Variants in COA1 observed in about 807,000 individuals in gnomAD.
COA1 encodes the protein cytochrome c oxidase assembly factor 1 homolog.
Under a neutral mutation model 16.0 loss-of-function variants are expected in COA1, and 13 were observed. That is an observed-to-expected ratio of 0.81 (90% CI 0.53 to 1.29). The LOEUF is 1.29. Ranked by LOEUF, COA1 falls within the 50% of genes most tolerant of loss-of-function variation. The probability of loss-of-function intolerance (pLI) is 0.00; values close to 1 mark genes in which losing one functional copy is unlikely to be tolerated. For missense variants in COA1, 179 were observed against 177.0 expected (o/e 1.01, Z -0.06); for synonymous variants, 65 against 65.7 (o/e 0.99, Z 0.05).
At chr7:43,675,611 TAA>T (rs1002653217) in intron 1 of COA1, among the ~76,000 whole-genome samples, 2 of 151,908 alleles carry the variant, frequency 1.3e-5, no homozygotes, top group East Asian at 1.9e-4. Context: ...AATAATAAAA[TAA>T]AAAAAGAGTA....
intron 1 of COA1, among the ~76,000 whole-genome samples, chr7:43,651,689 T>TAAAAAAAAAAAAAAAAAAAAAAAAAAAAA (rs539990413): frequency 9.3e-6 from 1 of 107,186 alleles, no homozygotes; most frequent in African/African-American, 3.8e-5. Flanking sequence ...AGGAAGAGCT[T>TAAAAAAAAAAAAAAAAAAAAAAAAAAAAA]AAAAAAAAAA....
intron 1 of COA1, among the ~76,000 whole-genome samples, chr7:43,701,667 A>G (rs2094746478): frequency 6.6e-6 from 1 of 152,174 alleles, no homozygotes; most frequent in Admixed American, 6.6e-5. Context: ...GAATAGTCAC[A>G]ACTGCTTTCC....
Position 43,718,068 on chromosome 7 carries a change from G to A in COA1, c.-39+11361C>T, listed in dbSNP as rs903236751. On this transcript the variant is annotated intron_variant, in intron 1 of 5. Transcript: ENST00000223336. ...ATGTCTTTATCAGCAGTGTGAAAAC[G>A]GACTAATATACTACCATACAGAATA... Among the ~76,000 whole-genome samples, 4 of 152,026 alleles carry A rather than the reference G, an allele frequency of 2.6e-5. No homozygotes were observed. The East Asian group carries it at 5.8e-4, about 22-fold the overall frequency.
chr7:43,710,394 ATT>A (rs1268788403), intron 1 of COA1, among the ~76,000 whole-genome samples: 86 of 135,382 alleles, frequency 6.4e-4, no homozygotes, highest in Middle Eastern at 3.8e-3. Flanking sequence ...ATATATATAT[ATT>A]TTTAAGATAT....
chr7:43,665,827 T>C (rs1029477385), intron 1 of COA1: 43 of 152,284 alleles, frequency 2.8e-4, no homozygotes, highest in African/African-American at 1.0e-3. Flanking sequence ...GAACAGCATC[T>C]AGGAAACTGC....
intron 6 of COA1, among the ~76,000 whole-genome samples, chr7:43,617,729 T>C (rs2083477412): frequency 6.6e-6 from 1 of 152,088 alleles, no homozygotes; most frequent in Non-Finnish European, 1.5e-5. Flanking sequence ...TCTTAAGGTG[T>C]AGGTGATATT....
downstream of COA1, among the ~76,000 whole-genome samples, chr7:43,635,783 G>A (rs1419549887): frequency 2.0e-5 from 3 of 152,080 alleles, no homozygotes; most frequent in Non-Finnish European, 4.4e-5. Flanking sequence ...ATAGTTTCTC[G>A]TTTCATAAAA....
At chr7:43,712,507 A>G (rs963634688) in intron 1 of COA1, among the ~76,000 whole-genome samples, 1 of 152,120 alleles carries the variant, frequency 6.6e-6, no homozygotes, top group Non-Finnish European at 1.5e-5. Flanking sequence ...CTGATCCTGT[A>G]TATGTGATCT....
At chr7:43,696,681 A>T (rs2094537544) in intron 1 of COA1, among the ~76,000 whole-genome samples, 1 of 151,124 alleles carries the variant, frequency 6.6e-6, no homozygotes, top group Non-Finnish European at 1.5e-5. Flanking sequence ...ATAAAAATAA[A>T]AATGTTGATA....
rs552728117 is a variant in COA1 at position 43,646,511 on chromosome 7, G to A, written c.115+1024C>T. The A allele has an allele frequency of 5.1e-4, 232 of 455,204 alleles. 3 individuals carry two copies. The highest frequency in any genetic ancestry group is 1.3e-4 in the Non-Finnish European group (29 of 225,850). 28.2% of individuals were successfully genotyped at this position (455,204 alleles called of 1,614,324 possible). On this transcript the variant is annotated intron_variant, in intron 3 of 5. Transcript: ENST00000223336. ...AAGGCCACATAGCTGGTCAAGAGCT[G>A]GAGCCGAGATTCAACCATTCAACCC...
chr7:43,634,128 A>G (rs1267808412), intron 6 of COA1, among the ~76,000 whole-genome samples: 2 of 151,944 alleles, frequency 1.3e-5, no homozygotes, highest in African/African-American at 4.8e-5. Flanking sequence ...TCTTTTTTTT[A>G]AATGATGGCT....
Position 43,673,010 on chromosome 7 carries a change from A to G in COA1, c.-38-24358T>C, listed in dbSNP as rs1443750271. 8.5e-5 allele frequency among the ~76,000 whole-genome samples: 13 copies of G among 152,340 alleles called. No individual in the cohort carries two copies. In the South Asian group the frequency reaches 2.7e-3, roughly 32 times the overall value. On this transcript the variant is annotated intron_variant, in intron 1 of 5. Transcript: ENST00000223336. The stretch of plus-strand genomic sequence containing the variant: ...CTCCTTCCTTACACCATATACAAAA[A>G]TCAACTCAAGATGGACTAAAGACTT...
chr7:43,618,472 A>G (rs1327530407), intron 6 of COA1, among the ~76,000 whole-genome samples: 2 of 152,176 alleles, frequency 1.3e-5, no homozygotes, highest in Non-Finnish European at 2.9e-5. Context: ...TAATCTTGAA[A>G]AGGAAGCAGG....
At chr7:43,681,956 A>G (rs1438924255) in intron 1 of COA1, among the ~76,000 whole-genome samples, 3 of 152,168 alleles carry the variant, frequency 2.0e-5, no homozygotes, top group Non-Finnish European at 4.4e-5. Flanking sequence ...TCTCTTCCAT[A>G]TTGCACATTG....
intron 1 of COA1, among the ~76,000 whole-genome samples, chr7:43,658,057 CT>C (rs2091978003): frequency 1.3e-5 from 2 of 150,424 alleles, no homozygotes; most frequent in South Asian, 4.2e-4. Flanking sequence ...AAAATTAAGT[CT>C]ATTTTATTTA....
intron 1 of COA1, among the ~76,000 whole-genome samples, chr7:43,698,834 G>A (rs1274032726): frequency 1.3e-5 from 2 of 151,942 alleles, no homozygotes; most frequent in Admixed American, 6.6e-5. Flanking sequence ...AATTAGATAC[G>A]GCTTGAAGGT....
chr7:43,707,467 T>G (rs529970755), intron 1 of COA1, among the ~76,000 whole-genome samples: 2 of 152,280 alleles, frequency 1.3e-5, no homozygotes, highest in South Asian at 4.1e-4. Flanking sequence ...ACCAGAGTCC[T>G]AGAAATTGAG....
intron 2 of COA1, 101 bp downstream of exon 2, chr7:43,648,499 G>A (rs1189352703): frequency 8.1e-7 from 1 of 1,228,668 alleles, no homozygotes; most frequent in East Asian, 2.3e-5. Flanking sequence ...AAGACCAGGA[G>A]AAGCCCATAA....
intron 1 of COA1, among the ~76,000 whole-genome samples, chr7:43,711,760 A>G (rs1164897135): frequency 2.6e-5 from 4 of 152,242 alleles, no homozygotes; most frequent in African/African-American, 9.6e-5. Context: ...GTAGGCAATT[A>G]TAACACAATG....
Sources: allele counts gnomAD v4.1 joint callset (sites outside exome capture counted in the v4.1 genomes callset), GRCh38; gene constraint gnomAD v4.1.1; transcripts MANE v1.5; gene names NCBI Gene and HGNC (gene_info 2026-07-23, HGNC 2026-07-21).